Variants in ARCN1 observed in about 807,000 individuals in gnomAD.
ARCN1 encodes the protein coatomer subunit delta.
Under a neutral mutation model 60.4 loss-of-function variants are expected in ARCN1, and 5 were observed. The ratio of observed to expected loss-of-function variants is 0.08; its 90% CI spans 0.04 to 0.17. The LOEUF (loss-of-function observed/expected upper bound fraction) is 0.17, where lower values mean the gene tolerates loss of function less well. Ranked by LOEUF, ARCN1 falls within the 10% of genes least tolerant of loss-of-function variation. ARCN1 has a pLI of 1.00. For synonymous variants in ARCN1, 224 were observed against 220.0 expected, an observed-to-expected ratio of 1.02 and a Z score of -0.16; for missense variants, 464 against 626.5, an observed-to-expected ratio of 0.74 and a Z score of 2.77.
chr11:118,577,085 G>A (rs1353628944), intron 1 of ARCN1, among the ~76,000 whole-genome samples: 1 of 152,108 alleles, frequency 6.6e-6, no homozygotes, highest in Non-Finnish European at 1.5e-5. Flanking sequence ...TACTTGGGAG[G>A]CTGAGGTGGG....
chr11:118,595,481 C>T (rs1939005566), intron 8 of ARCN1, among the ~76,000 whole-genome samples: 1 of 152,132 alleles, frequency 6.6e-6, no homozygotes, highest in South Asian at 2.1e-4. Context: ...GTGAAACCAC[C>T]ACCATAATCA....
Position 118,590,576 on chromosome 11 carries a change from T to C in ARCN1, c.984+70T>C, listed in dbSNP as rs1310753490. Reference sequence around the variant, plus strand: ...TATTATAGTCTTTCTCAACTAGAGTTCCCAATATGAACCACAGAAAATTAC... The same window carrying C: ...TATTATAGTCTTTCTCAACTAGAGTCCCCAATATGAACCACAGAAAATTAC... On this transcript the variant is annotated intron_variant, in intron 6 of 9. Coordinates refer to ENST00000264028, the MANE Select transcript of ARCN1 (RefSeq NM_001655.5). 2.7e-6 allele frequency: 4 copies of C among 1,503,688 alleles called. No individual in the cohort carries two copies. In the Admixed American group the frequency reaches 5.9e-5, roughly 22 times the overall value. The allele number at this position is 1,503,688 out of a possible 1,614,324, so 93.1% of individuals were successfully genotyped here.
intron 4 of ARCN1, 45 bp downstream of exon 4, chr11:118,584,059 G>T (rs1555075108): frequency 7.7e-6 from 12 of 1,549,604 alleles, no homozygotes; most frequent in African/African-American, 1.4e-5. Flanking sequence ...GGGTGTATAT[G>T]TGTCTATCTT....
At chr11:118,593,735 G>T in intron 8 of ARCN1, 37 bp downstream of exon 8, 1 of 1,436,206 alleles carries the variant, frequency 7.0e-7, no homozygotes, top group South Asian at 1.2e-5. Context: ...GGTGGACTTA[G>T]AGAACTGGTC....
intron 1 of ARCN1, among the ~76,000 whole-genome samples, chr11:118,580,182 G>C (rs1384259942): frequency 1.3e-5 from 2 of 152,124 alleles, no homozygotes; most frequent in Admixed American, 6.5e-5. Flanking sequence ...AATTTGCCAG[G>C]CATGATGGCA....
chr11:118,600,743 A>T lies in ARCN1; in HGVS notation c.*29A>T, dbSNP rs781992790. ...CAAGAAGAGGGAGCTGAAAAGGAAA[A>T]TTTTCAGATTAATAAAGAAGACGCC... On this transcript the variant is annotated 3_prime_UTR_variant, in exon 10 of 10. Transcript: ENST00000264028. 9.5e-6 allele frequency: 14 copies of T among 1,480,246 alleles called. No individual in the cohort carries two copies. The African/African-American group carries it at 1.8e-4, about 20-fold the overall frequency. The allele number at this position is 1,480,246 out of a possible 1,614,324, so 91.7% of individuals were successfully genotyped here.
intron 1 of ARCN1, 135 bp from the exon 2 acceptor site, chr11:118,581,111 C>T (rs927313535): frequency 5.2e-6 from 6 of 1,161,466 alleles, no homozygotes; most frequent in African/African-American, 3.1e-5. Flanking sequence ...CAGAGTGAGA[C>T]CCTGTCTTAA....
intron 7 of ARCN1, 39 bp downstream of exon 7, chr11:118,592,895 T>C (rs782030579): frequency 7.6e-6 from 12 of 1,575,930 alleles, no homozygotes; most frequent in African/African-American, 4.1e-5. Context: ...CTAGTTTGCA[T>C]TGAGAACTAG....
intron 2 of ARCN1, 25 bp from the exon 3 acceptor site, chr11:118,583,154 C>A: frequency 6.2e-7 from 1 of 1,610,294 alleles, no homozygotes; most frequent in Middle Eastern, 1.7e-4. Flanking sequence ...CTAAATCTTT[C>A]TTTTTTATTG....
intron 5 of ARCN1, among the ~76,000 whole-genome samples, chr11:118,585,086 G>A (rs938422300): frequency 6.6e-6 from 1 of 151,822 alleles, no homozygotes; most frequent in African/African-American, 2.4e-5. Context: ...TCAGCCTCCC[G>A]AAGTGCTGGG....
chr11:118,572,953 C>G (rs1478785051), intron 1 of ARCN1: 1 of 224,500 alleles, frequency 4.5e-6, no homozygotes, highest in African/African-American at 2.3e-5. Flanking sequence ...TCCGGAGGTT[C>G]TGGTCCTTCT....
At chr11:118,573,337 G>T (rs183686280) in intron 1 of ARCN1, among the ~76,000 whole-genome samples, 1 of 152,112 alleles carries the variant, frequency 6.6e-6, no homozygotes, top group Non-Finnish European at 1.5e-5. Flanking sequence ...GGAGTAAGAG[G>T]GATGGGTTAG....
At chr11:118,578,828 AGCC>A (rs1938582035) in intron 1 of ARCN1, among the ~76,000 whole-genome samples, 4 of 140,004 alleles carry the variant, frequency 2.9e-5, no homozygotes, top group Non-Finnish European at 6.1e-5. Flanking sequence ...GGATCACTTT[AGCC>A]CAGGAATTTG....
chr11:118,583,982 T>A lies in ARCN1; in HGVS notation c.621T>A (p.Thr207=). Reference sequence around the variant, plus strand: ...TGATCACAGAGACCATCATTGAAACTGATAAACCAAAAGTGGCACCTGCAC... The same window carrying A: ...TGATCACAGAGACCATCATTGAAACAGATAAACCAAAAGTGGCACCTGCAC... ...AAMITETIIE[T]DKPKVAPAPA... Residue 207 remains threonine (T), a synonymous_variant, in exon 4 of 10, where the codon ACT becomes ACA. Coordinates refer to ENST00000264028, the MANE Select transcript of ARCN1 (RefSeq NM_001655.5). 1 of 1,614,210 alleles carries A rather than the reference T, an allele frequency of 6.2e-7. No individual in the cohort carries two copies. The highest frequency in any genetic ancestry group is 1.1e-5 in the South Asian group (1 of 91,086).
chr11:118,589,189 GA>G (rs1392058908), intron 5 of ARCN1, among the ~76,000 whole-genome samples: 2 of 151,590 alleles, frequency 1.3e-5, no homozygotes, highest in East Asian at 1.9e-4. Flanking sequence ...ATGGTTCAGG[GA>G]AAAAAAATCA....
chr11:118,599,424 G>A (rs1252954836), intron 9 of ARCN1, among the ~76,000 whole-genome samples: 5 of 151,736 alleles, frequency 3.3e-5, no homozygotes, highest in African/African-American at 4.8e-5. Context: ...CATTCTTCCA[G>A]TTTTTATTGT....
rs993618537 is a variant in ARCN1 at position 118,601,640 on chromosome 11, G to A, written c.*926G>A. 1.4e-5 allele frequency: 10 copies of A among 702,816 alleles called. No homozygotes were observed. Among genetic ancestry groups the A allele is most frequent in the East Asian group, 8.0e-5 (3 of 37,282 alleles). The allele number at this position is 702,816 out of a possible 1,614,324, so 43.5% of individuals were successfully genotyped here. On this transcript the variant is annotated 3_prime_UTR_variant, in exon 10 of 10. Transcript: ENST00000264028. ...ATGGGGTCTAGAAGTTAAAAGATAC[G>A]CATGTCTTCTGTTCTTTTCCCGTAT...
In ARCN1 at chr11:118,583,830, G is replaced by T; in HGVS notation, c.469G>T (p.Ala157Ser). The change falls in exon 4 of 10, where the codon GCT becomes TCT. Residue 157 changes from alanine (A) to serine (S), a missense_variant. Coordinates refer to ENST00000264028, the MANE Select transcript of ARCN1 (RefSeq NM_001655.5). ...GTAGACTCAAGAACGTGAAGCTAAGGCTGAGATGCGTCGTAAAGCAAAGGA... is the reference window on the plus strand; with the variant it reads ...GTAGACTCAAGAACGTGAAGCTAAGTCTGAGATGCGTCGTAAAGCAAAGGA... ...VRETQEREAK[A>S]EMRRKAKELQ... 2 of 1,614,166 alleles carry T rather than the reference G, an allele frequency of 1.2e-6. No homozygotes were observed. The highest frequency in any genetic ancestry group is 1.7e-6 in the Non-Finnish European group (2 of 1,180,034).
At chr11:118,572,637 G>T (rs547050747) in intron 1 of ARCN1, 87 bp downstream of exon 1, 9 of 1,532,250 alleles carry the variant, frequency 5.9e-6, no homozygotes, top group Non-Finnish European at 8.0e-6. Context: ...GGCCGGAGGA[G>T]CCCCGCCCTG....
Sources: gnomAD v4.1 joint callset for allele counts (sites outside exome capture counted in the v4.1 genomes callset) on GRCh38, gnomAD v4.1.1 for gene constraint, MANE v1.5 for transcripts, NCBI Gene and HGNC (gene_info 2026-07-23, HGNC 2026-07-21) for gene names.